Variants in ZFHX3 observed in about 807,000 individuals in gnomAD.
The protein encoded by ZFHX3 is zinc finger homeobox protein 3.
ZFHX3 carries 42 observed loss-of-function variants against 279.1 expected under a neutral mutation model. That is an observed-to-expected ratio of 0.15 (90% CI 0.12 to 0.19). ZFHX3 has a LOEUF of 0.19. Ranked by LOEUF, ZFHX3 falls within the 10% of genes least tolerant of loss-of-function variation. ZFHX3 has a pLI of 1.00. For synonymous variants in ZFHX3, 2,293 were observed against 1,957.8 expected, an observed-to-expected ratio of 1.17 and a Z score of -4.52; for missense variants, 4,981 against 4,754.0, an observed-to-expected ratio of 1.05 and a Z score of -1.40.
chr16:73,464,721 G>T (rs1035884328), intron 2 of ZFHX3, among the ~76,000 whole-genome samples: 1 of 152,240 alleles, frequency 6.6e-6, no homozygotes, highest in African/African-American at 2.4e-5. Context: ...TGCCTCAAAT[G>T]CCGGCTGCCA....
At chr16:73,794,092 G>A (rs548860510) in intron 1 of ZFHX3, 3 of 152,298 alleles carry the variant, frequency 2.0e-5, no homozygotes, top group Admixed American at 1.3e-4. Flanking sequence ...GCTGGTCCTC[G>A]CCTGCTCTCC....
chr16:73,878,674 A>G (rs1461880990), intron 1 of ZFHX3, among the ~76,000 whole-genome samples: 2 of 151,774 alleles, frequency 1.3e-5, no homozygotes, highest in Non-Finnish European at 1.5e-5. Context: ...ACAGGTAACT[A>G]GCGAAAACAA....
chr16:73,797,252 G>A (rs1208652424), intron 1 of ZFHX3, among the ~76,000 whole-genome samples: 1 of 152,092 alleles, frequency 6.6e-6, no homozygotes, highest in African/African-American at 2.4e-5. Context: ...AAGTAGTGAA[G>A]CACTGTTTAT....
chr16:73,039,328 T>C (rs910927299), intron 1 of ZFHX3, among the ~76,000 whole-genome samples: 2 of 152,102 alleles, frequency 1.3e-5, no homozygotes, highest in African/African-American at 4.8e-5. Context: ...TGGTATCAGG[T>C]GGAATCACAT....
intron 2 of ZFHX3, among the ~76,000 whole-genome samples, chr16:73,618,993 A>G (rs768162598): frequency 1.2e-4 from 18 of 152,142 alleles, no homozygotes; most frequent in Non-Finnish European, 2.5e-4. Context: ...AGGTGGAAAG[A>G]AGAGCATATT....
chr16:73,683,184 C>T (rs921261893), intron 1 of ZFHX3, among the ~76,000 whole-genome samples: 1 of 151,972 alleles, frequency 6.6e-6, no homozygotes, highest in Admixed American at 6.5e-5. Context: ...AAACCATCAG[C>T]GATGTATATA....
chr16:73,125,585 A>T (rs1252546052), intron 7 of ZFHX3, among the ~76,000 whole-genome samples: 4 of 152,094 alleles, frequency 2.6e-5, no homozygotes, highest in Non-Finnish European at 5.9e-5. Context: ...ATAAGCAGGC[A>T]GAAAAATGTG....
At chr16:73,867,003 GTC>G (rs1190161317) in intron 1 of ZFHX3, among the ~76,000 whole-genome samples, 1 of 151,998 alleles carries the variant, frequency 6.6e-6, no homozygotes, top group African/African-American at 2.4e-5. Flanking sequence ...GGCATCTCAC[GTC>G]GTCTTGTGCT....
chr16:73,305,568 C>T (rs1193541346), intron 4 of ZFHX3, among the ~76,000 whole-genome samples: 2 of 151,662 alleles, frequency 1.3e-5, no homozygotes, highest in Admixed American at 6.6e-5. Flanking sequence ...GATCCAGAAG[C>T]GAGCGCTCAC....
chr16:73,456,448 T>A (rs2018373194), intron 2 of ZFHX3, among the ~76,000 whole-genome samples: 1 of 152,178 alleles, frequency 6.6e-6, no homozygotes, highest in African/African-American at 2.4e-5. Flanking sequence ...AAAGACGAAG[T>A]ATCACAGCAG....
chr16:73,131,150 A>G (rs1308171202), intron 6 of ZFHX3: 4 of 447,376 alleles, frequency 8.9e-6, no homozygotes, highest in Admixed American at 8.1e-5. Context: ...TGAGAATTCA[A>G]TGAAAGAACA....
At chr16:73,199,136 G>A (rs1381038782) in intron 5 of ZFHX3, among the ~76,000 whole-genome samples, 2 of 152,196 alleles carry the variant, frequency 1.3e-5, no homozygotes, top group African/African-American at 2.4e-5. Flanking sequence ...TGATGTCCAG[G>A]TTCAACTATA....
chr16:72,893,870 C>T (rs923671156), intron 3 of ZFHX3, among the ~76,000 whole-genome samples: 2 of 152,084 alleles, frequency 1.3e-5, no homozygotes, highest in Non-Finnish European at 2.9e-5. Context: ...CCAGAATAGG[C>T]CGGATGCAGT....
intron 3 of ZFHX3, among the ~76,000 whole-genome samples, chr16:72,935,145 G>C (rs1960048937): frequency 6.6e-6 from 1 of 152,190 alleles, no homozygotes; most frequent in Admixed American, 6.5e-5. Context: ...AAGTTTAAAA[G>C]TCACTGCCCT....
At chr16:73,563,262 G>A (rs1360187602) in intron 2 of ZFHX3, among the ~76,000 whole-genome samples, 1 of 149,774 alleles carries the variant, frequency 6.7e-6, no homozygotes, top group Admixed American at 6.7e-5. Flanking sequence ...TTTTGAGAGG[G>A]AGTCTCACTC....
chr16:73,509,847 C>A (rs542695303), intron 2 of ZFHX3, among the ~76,000 whole-genome samples: 2 of 152,230 alleles, frequency 1.3e-5, no homozygotes, highest in African/African-American at 4.8e-5. Flanking sequence ...AGGGACCCAC[C>A]ACCATGCCCG....
At chr16:73,599,732 T>TTAAA (rs1555527356) in intron 2 of ZFHX3, among the ~76,000 whole-genome samples, 3 of 144,218 alleles carry the variant, frequency 2.1e-5, no homozygotes, top group African/African-American at 7.7e-5. Context: ...AAAATGTCAT[T>TTAAA]AAAAAAAAAA....
At position 73,503,163 on chromosome 16, in the gene ZFHX3, T is replaced by C. The variant is rs557559526; in HGVS notation, c.-1546-46905A>G. Among the ~76,000 whole-genome samples the C allele has an allele frequency of 2.0e-5, 3 of 152,312 alleles. No homozygotes were observed. The South Asian group carries it at 6.2e-4, about 32-fold the overall frequency. ...ATCGGTGGCCTGTGGATATCCACAA[T>C]TTCATCTCCGAGGTGTTTGTAGCCA... On this transcript the variant is annotated intron_variant, in intron 2 of 17. Coordinates refer to the ZFHX3 transcript ENST00000641206.
intron 3 of ZFHX3, among the ~76,000 whole-genome samples, chr16:73,391,718 A>T (rs1386421418): frequency 6.6e-6 from 1 of 152,204 alleles, no homozygotes; most frequent in Admixed American, 6.5e-5. Flanking sequence ...TGGAAGCAAC[A>T]GCTGGGCTCC....
Sources: allele counts gnomAD v4.1 joint callset (sites outside exome capture counted in the v4.1 genomes callset), GRCh38; gene constraint gnomAD v4.1.1; transcripts MANE v1.5; gene names NCBI Gene and HGNC (gene_info 2026-07-23, HGNC 2026-07-21).